The following PRPSAP2 variants were observed in gnomAD, a reference collection of about 807,000 sequenced individuals.
PRPSAP2 encodes the protein phosphoribosyl pyrophosphate synthetase associated protein 2.
In PRPSAP2, 24 loss-of-function variants were observed where a neutral mutation model predicts 40.6. The observed-to-expected ratio is 0.59, with a 90% confidence interval of 0.43 to 0.83. The LOEUF (loss-of-function observed/expected upper bound fraction) is 0.83, where lower values mean the gene tolerates loss of function less well. PRPSAP2 is among the 40% of genes least tolerant of loss of function. PRPSAP2 has a pLI of 0.00. For synonymous variants in PRPSAP2, 149 were observed against 164.7 expected, an observed-to-expected ratio of 0.90 and a Z score of 0.73; for missense variants, 292 against 465.6, an observed-to-expected ratio of 0.63 and a Z score of 3.43.
intron 8 of PRPSAP2, chr17:18,908,616 C>G: frequency 1.4e-6 from 1 of 723,198 alleles, no homozygotes. Flanking sequence ...TGGGTAGTGA[C>G]CATGCCTGGG....
intron 8 of PRPSAP2, among the ~76,000 whole-genome samples, chr17:18,902,199 T>C (rs948093594): frequency 1.1e-4 from 16 of 152,206 alleles, no homozygotes; most frequent in African/African-American, 3.9e-4. Flanking sequence ...TTTACTTCTG[T>C]CACCCACCTG....
At chr17:18,930,395 A>G (rs1204514624) in intron 11 of PRPSAP2, 145 bp from the exon 12 acceptor site, 2 of 686,814 alleles carry the variant, frequency 2.9e-6, no homozygotes, top group African/African-American at 3.6e-5. Flanking sequence ...ATAAATAAAT[A>G]ATTGAAACAT....
intron 4 of PRPSAP2, among the ~76,000 whole-genome samples, chr17:18,870,442 T>C (rs1040609854): frequency 8.5e-5 from 13 of 152,088 alleles, no homozygotes; most frequent in African/African-American, 3.1e-4. Flanking sequence ...AATCCTTGAA[T>C]ACTTGACCAT....
chr17:18,924,037 T>C, intron 10 of PRPSAP2, 53 bp downstream of exon 10: 1 of 1,195,906 alleles, frequency 8.4e-7, no homozygotes, highest in Non-Finnish European at 1.2e-6. Context: ...GTTATTCTGT[T>C]GATTGATTGA....
chr17:18,856,651 C>T (rs2036606153), upstream of PRPSAP2, among the ~76,000 whole-genome samples: 1 of 152,116 alleles, frequency 6.6e-6, no homozygotes, highest in Admixed American at 6.5e-5. Flanking sequence ...ATATTTCATG[C>T]CTCATTATTG....
chr17:18,886,411 A>G (rs9748183), intron 7 of PRPSAP2, among the ~76,000 whole-genome samples: 79,917 of 151,138 alleles, frequency 0.53, 21,355 homozygotes, highest in Middle Eastern at 0.6. Flanking sequence ...GCTGGAGTGC[A>G]GTGGCGCAAT....
At chr17:18,912,465 T>C (rs553317126) in intron 9 of PRPSAP2, among the ~76,000 whole-genome samples, 97 of 152,306 alleles carry the variant, frequency 6.4e-4, no homozygotes, top group Admixed American at 2.0e-3. Flanking sequence ...TCAAAATTCA[T>C]GTTCATCTTA....
intron 9 of PRPSAP2, among the ~76,000 whole-genome samples, chr17:18,914,173 C>T (rs11658555): frequency 0.27 from 39,765 of 147,254 alleles, 5,578 homozygotes; most frequent in South Asian, 0.4. Context: ...GAGTGAGACA[C>T]CATCTCAAAA....
intron 6 of PRPSAP2, among the ~76,000 whole-genome samples, chr17:18,882,248 A>T (rs1597592119): frequency 6.6e-6 from 1 of 151,928 alleles, no homozygotes; most frequent in South Asian, 2.1e-4. Flanking sequence ...GCAGTGGCTC[A>T]TGCCTGTATT....
At chr17:18,907,606 A>G (rs2040675300) in intron 8 of PRPSAP2, among the ~76,000 whole-genome samples, 1 of 152,200 alleles carries the variant, frequency 6.6e-6, no homozygotes, top group Admixed American at 6.5e-5. Flanking sequence ...CTTTTTTAGT[A>G]TAAACACAAA....
At position 18,930,701 on chromosome 17, in the gene PRPSAP2, T is replaced by C; in HGVS notation, c.*3T>C. ...GAAACATAGGCTTAGATGACTGAGT[T>C]TTCCTTTAGGAAAACTCCCGAGGGC... On this transcript the variant is annotated 3_prime_UTR_variant, in exon 12 of 12. Transcript: ENST00000268835. 6.2e-7 allele frequency: 1 copy of C among 1,606,862 alleles called. No individual in the cohort carries two copies. The highest frequency in any genetic ancestry group is 8.5e-7 in the Non-Finnish European group (1 of 1,176,092).
chr17:18,923,722 G>A (rs536636249), intron 9 of PRPSAP2, among the ~76,000 whole-genome samples, 192 bp from the exon 10 acceptor site: 7 of 152,338 alleles, frequency 4.6e-5, no homozygotes, highest in African/African-American at 1.7e-4. Flanking sequence ...GATCTTAGGG[G>A]AAAGCTTTTG....
chr17:18,908,701 G>C, intron 8 of PRPSAP2: 1 of 725,616 alleles, frequency 1.4e-6, no homozygotes, highest in Non-Finnish European at 2.5e-6. Flanking sequence ...CCTGAATATT[G>C]AGAATGCACA....
intron 9 of PRPSAP2, among the ~76,000 whole-genome samples, chr17:18,912,704 G>C (rs547523420): frequency 6.6e-6 from 1 of 152,292 alleles, no homozygotes; most frequent in East Asian, 1.9e-4. Context: ...AAAATGCAAT[G>C]GTGGGACAGA....
chr17:18,928,723 T>C (rs1567759949), intron 10 of PRPSAP2, 88 bp from the exon 11 acceptor site: 8 of 1,558,700 alleles, frequency 5.1e-6, no homozygotes, highest in Admixed American at 1.7e-5. Flanking sequence ...TCACGGTAAA[T>C]GTAGGCAGAC....
intron 3 of PRPSAP2, among the ~76,000 whole-genome samples, chr17:18,866,153 A>C (rs1246626929): frequency 6.6e-6 from 1 of 151,872 alleles, no homozygotes; most frequent in African/African-American, 2.4e-5. Context: ...ATTAAGGGCT[A>C]TTCTTTTTGT....
chr17:18,920,054 C>T (rs2041606071), intron 9 of PRPSAP2, among the ~76,000 whole-genome samples: 1 of 152,172 alleles, frequency 6.6e-6, no homozygotes, highest in South Asian at 2.1e-4. Context: ...CTGCCGCTCC[C>T]TTTCAGAATC....
At chr17:18,895,909 G>A (rs2039882882) in intron 8 of PRPSAP2, among the ~76,000 whole-genome samples, 1 of 152,078 alleles carries the variant, frequency 6.6e-6, no homozygotes. Context: ...TTACAGGTGT[G>A]AGCCACCATG....
intron 6 of PRPSAP2, among the ~76,000 whole-genome samples, chr17:18,881,063 A>T (rs1468360206): frequency 6.7e-6 from 1 of 148,752 alleles, no homozygotes; most frequent in African/African-American, 2.5e-5. Flanking sequence ...TGAACTCCTG[A>T]CCTCAGGTGA....
Sources: allele counts gnomAD v4.1 joint callset (sites outside exome capture counted in the v4.1 genomes callset), GRCh38; gene constraint gnomAD v4.1.1; transcripts MANE v1.5; gene names NCBI Gene and HGNC (gene_info 2026-07-23, HGNC 2026-07-21).